The following RSBN1L variants were observed in gnomAD, a reference collection of about 807,000 sequenced individuals.
RSBN1L encodes lysine-specific demethylase RSBN1L.
A neutral mutation model predicts 67.7 loss-of-function variants in RSBN1L; 30 were observed. The ratio of observed to expected loss-of-function variants is 0.44; its 90% CI spans 0.33 to 0.60. The LOEUF (loss-of-function observed/expected upper bound fraction) is 0.60, where lower values mean the gene tolerates loss of function less well. Among genes scored for constraint, RSBN1L ranks in the 20% least tolerant of loss-of-function variants. The pLI, the probability that RSBN1L is intolerant of heterozygous loss-of-function variation, is 0.02. For synonymous variants in RSBN1L, 433 were observed against 387.0 expected (o/e 1.12, Z -1.39); for missense variants, 992 against 1,031.7 (o/e 0.96, Z 0.53).
chr7:77,701,168 AAAC>A (rs1207103569), intron 1 of RSBN1L, among the ~76,000 whole-genome samples: 229 of 135,634 alleles, frequency 1.7e-3, no homozygotes, highest in South Asian at 3.4e-3. Flanking sequence ...AAAAAAAAAA[AAAC>A]AACAACAACA....
intron 4 of RSBN1L, among the ~76,000 whole-genome samples, chr7:77,767,613 G>A (rs1791787805): frequency 6.6e-6 from 1 of 151,822 alleles, no homozygotes; most frequent in South Asian, 2.1e-4. Flanking sequence ...GAGCTCAGGT[G>A]ATCTGCCTGC....
Position 77,696,822 on chromosome 7 carries a change from CTTCCTTGTCTCA to C in RSBN1L, c.354_365del (p.Ser119_Gln122del). 1 of 1,613,658 alleles carries C rather than the reference CTTCCTTGTCTCA, an allele frequency of 6.2e-7. No homozygotes were observed. The highest frequency in any genetic ancestry group is 8.5e-7 in the Non-Finnish European group (1 of 1,179,996). On this transcript the variant is annotated inframe_deletion, in exon 1 of 8. Transcript: ENST00000334955. The stretch of plus-strand genomic sequence containing the variant: ...ACGGCCGTTCCCTCCTCAGCCTCCG[CTTCCTTGTCTCA>C]GCCGGTGCCGCGCAAACTGCTGGTC...
chr7:77,706,390 A>G (rs1790892873), intron 1 of RSBN1L, among the ~76,000 whole-genome samples: 2 of 151,820 alleles, frequency 1.3e-5, no homozygotes, highest in Non-Finnish European at 1.5e-5. Context: ...TTGTATTTTT[A>G]ATAGAAACAG....
intron 3 of RSBN1L, among the ~76,000 whole-genome samples, chr7:77,754,218 A>G (rs1292814482): frequency 6.6e-6 from 1 of 152,224 alleles, no homozygotes; most frequent in Non-Finnish European, 1.5e-5. Flanking sequence ...ATTAATCTCA[A>G]TAATCTAGAA....
rs945322961 is a variant in RSBN1L at position 77,758,953 on chromosome 7, C to T, written c.1345-6542C>T. ...AGTTGTTTTCTAACCACCCTTCCTC[C>T]ACTTCCAAACTCTAAATCTTATTTT... On this transcript the variant is annotated intron_variant, in intron 3 of 7. Coordinates refer to ENST00000334955, the MANE Select transcript of RSBN1L (RefSeq NM_198467.3). Among the ~76,000 whole-genome samples, 7 of 152,302 alleles carry T rather than the reference C, an allele frequency of 4.6e-5. No individual in the cohort carries two copies. The East Asian group carries it at 1.3e-3, about 29-fold the overall frequency.
rs549929059 is a variant in RSBN1L, at chr7:77,745,256, C to A, written c.704-4168C>A. Among the ~76,000 whole-genome samples, 3 of 148,534 alleles carry A rather than the reference C, an allele frequency of 2.0e-5. No homozygotes were observed. The South Asian group carries it at 6.5e-4, about 32-fold the overall frequency. The stretch of plus-strand genomic sequence containing the variant: ...AGCCTGGGAAACAAAAAGCAAAACT[C>A]CGTCTCAAAAAAAAAAAAAAAAGTT... On this transcript the variant is annotated intron_variant, in intron 2 of 7. Coordinates refer to ENST00000334955, the MANE Select transcript of RSBN1L (RefSeq NM_198467.3).
chr7:77,763,796 T>C (rs1791727137), intron 3 of RSBN1L, among the ~76,000 whole-genome samples: 1 of 152,174 alleles, frequency 6.6e-6, no homozygotes, highest in South Asian at 2.1e-4. Context: ...AGGCTGGAGA[T>C]ATCCTCCCAC....
chr7:77,716,502 A>G, intron 1 of RSBN1L, among the ~76,000 whole-genome samples: 1 of 146,716 alleles, frequency 6.8e-6, no homozygotes, highest in East Asian at 2.0e-4. Context: ...ATTATTCTGT[A>G]AAGTTCTTCT....
At chr7:77,773,619 C>T (rs1386960351) in intron 6 of RSBN1L, among the ~76,000 whole-genome samples, 3 of 152,046 alleles carry the variant, frequency 2.0e-5, no homozygotes, top group Non-Finnish European at 2.9e-5. Context: ...AAAAGTTAGC[C>T]GGGCGTGGTG....
chr7:77,747,278 A>C (rs1791496573), intron 2 of RSBN1L, among the ~76,000 whole-genome samples: 1 of 152,222 alleles, frequency 6.6e-6, no homozygotes, highest in Non-Finnish European at 1.5e-5. Flanking sequence ...AACTGCAGAA[A>C]TTTGTGTAAA....
intron 2 of RSBN1L, among the ~76,000 whole-genome samples, chr7:77,741,633 A>G (rs1442742250): frequency 1.3e-5 from 2 of 151,216 alleles, no homozygotes; most frequent in African/African-American, 4.9e-5. Flanking sequence ...TGGAGCTTGC[A>G]GTGAGCCAAG....
chr7:77,758,052 G>T (rs891274623), intron 3 of RSBN1L, among the ~76,000 whole-genome samples: 3 of 152,066 alleles, frequency 2.0e-5, no homozygotes, highest in African/African-American at 7.2e-5. Flanking sequence ...AAAAAAGAAA[G>T]AAATTCATGA....
rs544479396 is a variant in RSBN1L at position 77,707,096 on chromosome 7, T to G, written c.586+10041T>G. Among the ~76,000 whole-genome samples the G allele has an allele frequency of 1.4e-3, 216 of 150,900 alleles. 1 individual carries two copies. Among genetic ancestry groups the G allele is most frequent in the Non-Finnish European group, 2.8e-3 (189 of 67,852 alleles). On this transcript the variant is annotated intron_variant, in intron 1 of 7. Transcript: ENST00000334955. ...TGGAGTGCAGTGGCGCGATCTTGGC[T>G]CATTGCGACCTCTGCCTCCCAGGTT...
intron 1 of RSBN1L, among the ~76,000 whole-genome samples, chr7:77,729,525 A>G (rs1012195998): frequency 2.0e-5 from 3 of 152,220 alleles, no homozygotes; most frequent in Non-Finnish European, 4.4e-5. Context: ...ATTCATCTTT[A>G]TTTCCTAAAT....
chr7:77,769,334 A>G (rs1791814639), intron 5 of RSBN1L, among the ~76,000 whole-genome samples: 1 of 152,222 alleles, frequency 6.6e-6, no homozygotes, highest in Non-Finnish European at 1.5e-5. Context: ...GTTCAAATAG[A>G]TCATTGGAAT....
chr7:77,736,669 A>G (rs947581192), intron 2 of RSBN1L, 143 bp downstream of exon 2: 1 of 384,498 alleles, frequency 2.6e-6, no homozygotes, highest in Non-Finnish European at 4.8e-6. Flanking sequence ...AGTAAATGTA[A>G]CAACGGAGAG....
intron 6 of RSBN1L, among the ~76,000 whole-genome samples, chr7:77,775,853 C>T (rs935063635): frequency 1.3e-5 from 2 of 152,036 alleles, no homozygotes; most frequent in Admixed American, 1.3e-4. Context: ...GTCAGGAGTT[C>T]CAGACCAGCC....
At chr7:77,770,866 G>C (rs184704405) in intron 5 of RSBN1L, among the ~76,000 whole-genome samples, 20 of 152,278 alleles carry the variant, frequency 1.3e-4, no homozygotes, top group Middle Eastern at 3.4e-3. Flanking sequence ...GAAAAGTGTG[G>C]AGAAAATGTA....
intron 3 of RSBN1L, among the ~76,000 whole-genome samples, chr7:77,755,185 C>CTTAATA: frequency 6.6e-6 from 1 of 152,066 alleles, no homozygotes; most frequent in Non-Finnish European, 1.5e-5. Flanking sequence ...TTAATATAAA[C>CTTAATA]CACAGCAAAA....
Sources: allele counts gnomAD v4.1 joint callset (sites outside exome capture counted in the v4.1 genomes callset), GRCh38; gene constraint gnomAD v4.1.1; transcripts MANE v1.5; gene names NCBI Gene and HGNC (gene_info 2026-07-23, HGNC 2026-07-21).